The following BRINP1 variants were observed in gnomAD, a reference collection of about 807,000 sequenced individuals.
BRINP1 encodes BMP/retinoic acid inducible neural specific 1.
BRINP1 carries 17 observed loss-of-function variants against 72.9 expected under a neutral mutation model. That is an observed-to-expected ratio of 0.23 (90% CI 0.16 to 0.35). BRINP1 has a LOEUF of 0.35. Among genes scored for constraint, BRINP1 ranks in the 10% least tolerant of loss-of-function variants. The pLI is 1.00. For synonymous variants in BRINP1, 418 were observed against 378.5 expected (o/e 1.10, Z -1.21); for missense variants, 850 against 1,001.6 (o/e 0.85, Z 2.04).
At chr9:119,257,721 T>C (rs1008644886) in intron 2 of BRINP1, among the ~76,000 whole-genome samples, 1 of 152,204 alleles carries the variant, frequency 6.6e-6, no homozygotes, top group African/African-American at 2.4e-5. Context: ...GATGAAATCA[T>C]TGAGCTGAGA....
intron 5 of BRINP1, among the ~76,000 whole-genome samples, chr9:119,222,070 G>A (rs1300146405): frequency 2.0e-5 from 3 of 152,054 alleles, no homozygotes; most frequent in Non-Finnish European, 4.4e-5. Flanking sequence ...ATATGAGTGC[G>A]AGTGATGTGT....
chr9:119,265,311 T>C (rs1308060556), intron 2 of BRINP1, among the ~76,000 whole-genome samples: 1 of 151,976 alleles, frequency 6.6e-6, no homozygotes, highest in African/African-American at 2.4e-5. Context: ...ATATAATCAG[T>C]CCTCAAGGCC....
Position 119,255,324 on chromosome 9 carries a change from T to A in BRINP1, c.219-6174A>T, listed in dbSNP as rs149172592. On this transcript the variant is annotated intron_variant, in intron 2 of 7. Coordinates refer to ENST00000265922, the MANE Select transcript of BRINP1 (RefSeq NM_014618.3). Reference sequence around the variant, plus strand: ...TGCCCAATTAAGCATCCCAGCAGGGTGGGCAAACCAATTAGACTGAGATTA... The same window carrying A: ...TGCCCAATTAAGCATCCCAGCAGGGAGGGCAAACCAATTAGACTGAGATTA... 5.6e-3 allele frequency among the ~76,000 whole-genome samples: 849 copies of A among 152,214 alleles called. 30 individuals are homozygous for A. Among genetic ancestry groups the A allele is most frequent in the Non-Finnish European group, 8.2e-4 (56 of 68,010 alleles).
chr9:119,238,879 T>C, intron 4 of BRINP1, 119 bp from the exon 5 acceptor site: 1 of 610,586 alleles, frequency 1.6e-6, no homozygotes, highest in Non-Finnish European at 2.8e-6. Context: ...TTTGAGTCAA[T>C]GGTCACTTTC....
At chr9:119,329,669 T>A (rs185991239) in intron 1 of BRINP1, among the ~76,000 whole-genome samples, 1 of 152,180 alleles carries the variant, frequency 6.6e-6, no homozygotes, top group Admixed American at 6.5e-5. Context: ...GGACAAAGAT[T>A]TATATTCTTC....
chr9:119,202,842 G>A (rs566475433), intron 7 of BRINP1, among the ~76,000 whole-genome samples: 7 of 152,272 alleles, frequency 4.6e-5, no homozygotes, highest in African/African-American at 7.2e-5. Context: ...AGCACTGGGC[G>A]CTGGAGTGGA....
intron 1 of BRINP1, among the ~76,000 whole-genome samples, chr9:119,347,423 T>C (rs1831462642): frequency 1.3e-5 from 2 of 152,196 alleles, no homozygotes; most frequent in South Asian, 2.1e-4. Context: ...TTACTTTCTT[T>C]GTGCTTTCAA....
intron 1 of BRINP1, among the ~76,000 whole-genome samples, chr9:119,359,936 C>T (rs1052269882): frequency 6.6e-6 from 1 of 152,190 alleles, no homozygotes; most frequent in African/African-American, 2.4e-5. Context: ...GATGAAGATC[C>T]TTCCAGAGCC....
chr9:119,175,358 C>G (rs1829474349), intron 7 of BRINP1, among the ~76,000 whole-genome samples: 1 of 151,486 alleles, frequency 6.6e-6, no homozygotes, highest in Admixed American at 6.6e-5. Flanking sequence ...ACACTACACA[C>G]TGGGGTTTGT....
intron 7 of BRINP1, among the ~76,000 whole-genome samples, chr9:119,168,995 G>A (rs1829363581): frequency 6.6e-6 from 1 of 152,124 alleles, no homozygotes; most frequent in Non-Finnish European, 1.5e-5. Context: ...TATACCCAAA[G>A]GATTATAAAT....
At chr9:119,198,336 A>G (rs1053084412) in intron 7 of BRINP1, among the ~76,000 whole-genome samples, 3 of 152,208 alleles carry the variant, frequency 2.0e-5, no homozygotes, top group African/African-American at 4.8e-5. Context: ...TAACCCTGGC[A>G]TCTGTGTTCT....
chr9:119,194,360 G>A (rs1178384933), intron 7 of BRINP1, among the ~76,000 whole-genome samples: 1 of 152,162 alleles, frequency 6.6e-6, no homozygotes, highest in Non-Finnish European at 1.5e-5. Context: ...CTATGCTACT[G>A]TACTAGGGAG....
chr9:119,178,897 A>G (rs1256037830), intron 7 of BRINP1, among the ~76,000 whole-genome samples: 2 of 151,980 alleles, frequency 1.3e-5, no homozygotes, highest in Non-Finnish European at 2.9e-5. Context: ...AATAAATTGA[A>G]ATAACGGAAA....
chr9:119,243,203 C>T (rs183593770), intron 3 of BRINP1, among the ~76,000 whole-genome samples: 8 of 152,168 alleles, frequency 5.3e-5, no homozygotes, highest in African/African-American at 1.4e-4. Context: ...TTTTTCCTAA[C>T]GCTCCCCCAC....
At chr9:119,314,607 G>A (rs1217724273) in intron 1 of BRINP1, among the ~76,000 whole-genome samples, 2 of 151,972 alleles carry the variant, frequency 1.3e-5, no homozygotes, top group African/African-American at 2.4e-5. Context: ...CTCATGATCC[G>A]CCCTCCTTGT....
chr9:119,234,371 G>A (rs575935323), intron 5 of BRINP1, among the ~76,000 whole-genome samples: 9 of 152,236 alleles, frequency 5.9e-5, no homozygotes, highest in African/African-American at 2.2e-4. Flanking sequence ...GACTAGGAGA[G>A]TTGAGCACCT....
At chr9:119,193,006 C>A (rs1431711890) in intron 7 of BRINP1, among the ~76,000 whole-genome samples, 1 of 152,106 alleles carries the variant, frequency 6.6e-6, no homozygotes, top group Non-Finnish European at 1.5e-5. Flanking sequence ...CACACATAAC[C>A]TACCCATGTC....
At chr9:119,272,249 A>C (rs921210386) in intron 2 of BRINP1, among the ~76,000 whole-genome samples, 1 of 151,944 alleles carries the variant, frequency 6.6e-6, no homozygotes, top group South Asian at 2.1e-4. Flanking sequence ...TGCCCGGCTA[A>C]TTTTTGTATT....
chr9:119,226,594 G>A (rs994530446), intron 5 of BRINP1, among the ~76,000 whole-genome samples: 2 of 151,954 alleles, frequency 1.3e-5, no homozygotes, highest in Admixed American at 1.3e-4. Context: ...CCAGGTTTCT[G>A]TAGGTCAGAA....
Sources: gnomAD v4.1 joint callset for allele counts (sites outside exome capture counted in the v4.1 genomes callset) on GRCh38, gnomAD v4.1.1 for gene constraint, MANE v1.5 for transcripts, NCBI Gene and HGNC (gene_info 2026-07-23, HGNC 2026-07-21) for gene names.